NHSL2: variants seen among roughly 807,000 people sequenced by gnomAD.
NHSL2 encodes NHS-like protein 2.
A neutral mutation model predicts 53.4 loss-of-function variants in NHSL2; 27 were observed. That is an observed-to-expected ratio of 0.51 (90% CI 0.37 to 0.70). The LOEUF is 0.70. Among genes scored for constraint, NHSL2 ranks in the 30% least tolerant of loss-of-function variants. NHSL2 has a pLI of 0.00. For missense variants in NHSL2, 892 were observed against 980.1 expected (o/e 0.91, Z 1.20); for synonymous variants, 408 against 404.1 (o/e 1.01, Z -0.12).
intron 1 of NHSL2, among the ~76,000 whole-genome samples, chrX:71,924,164 A>C (rs961061349): frequency 8.9e-6 from 1 of 111,844 alleles, no homozygotes; most frequent in Non-Finnish European, 1.9e-5. Context: ...ACAGTATGGA[A>C]GAAGACAACT....
At chrX:71,973,771 G>T (rs2041936390) in intron 1 of NHSL2, among the ~76,000 whole-genome samples, 1 of 111,839 alleles carries the variant, frequency 8.9e-6, no homozygotes, top group African/African-American at 3.3e-5. Flanking sequence ...TGCCCTACAA[G>T]CTGGGACTGG....
intron 1 of NHSL2, among the ~76,000 whole-genome samples, chrX:72,076,722 C>A (rs929971811): frequency 2.7e-5 from 3 of 112,408 alleles, no homozygotes; most frequent in Non-Finnish European, 5.6e-5. Flanking sequence ...CTCCTCATCA[C>A]CCCTAGGCAG....
chrX:71,935,128 C>T (rs1569464115), intron 1 of NHSL2, among the ~76,000 whole-genome samples: 1 of 112,362 alleles, frequency 8.9e-6, no homozygotes, highest in East Asian at 2.8e-4. Flanking sequence ...GGACCTCACA[C>T]AGCACCATTC....
intron 1 of NHSL2, among the ~76,000 whole-genome samples, chrX:71,927,083 T>C (rs1336047464): frequency 2.7e-5 from 3 of 112,166 alleles, no homozygotes; most frequent in Admixed American, 1.9e-4. Context: ...TTGACAGTAC[T>C]GTATGCTTCA....
intron 1 of NHSL2, among the ~76,000 whole-genome samples, chrX:71,972,321 C>T (rs1341209240): frequency 1.8e-5 from 2 of 112,150 alleles, no homozygotes; most frequent in Non-Finnish European, 3.8e-5. Flanking sequence ...AGGCATGAGC[C>T]ACCGCGCCCG....
At chrX:72,130,965 G>A in intron 1 of NHSL2, 1 of 1,211,701 alleles carries the variant, frequency 8.3e-7, no homozygotes, top group South Asian at 1.8e-5. Context: ...TGAAAAAGGA[G>A]ATCAGAAAGG....
chrX:71,978,682 ATCT>A (rs1329006932), intron 1 of NHSL2, among the ~76,000 whole-genome samples: 3 of 94,725 alleles, frequency 3.2e-5, no homozygotes, highest in Non-Finnish European at 6.2e-5. Context: ...TTGGGCTCAC[ATCT>A]TTTTTTTTTT....
chrX:71,977,509 C>T (rs2041953753), intron 1 of NHSL2, among the ~76,000 whole-genome samples: 1 of 107,232 alleles, frequency 9.3e-6, no homozygotes, highest in South Asian at 4.2e-4. Context: ...GCAGTCTCAA[C>T]CTCCTGGGCT....
In NHSL2 at chrX:72,138,927, G is replaced by A. The variant is rs141340173; in HGVS notation, c.1379G>A (p.Arg460His). ...GCSGSAGYPE[R>H]LIQQRHMPER... ...AGTGGGTCAGCTGGCTACCCTGAGC[G>A]CCTTATTCAGCAAAGGCACATGCCC... Residue 460 changes from arginine (R) to histidine (H), a missense_variant, in exon 6 of 8, where the codon CGC becomes CAC. Arg to His is a conservative substitution (Grantham distance 29, BLOSUM62 0). Coordinates refer to ENST00000633930, the MANE Select transcript of NHSL2 (RefSeq NM_001013627.3). 2.5e-4 allele frequency: 302 copies of A among 1,206,883 alleles called. No individual in the cohort carries two copies. Among genetic ancestry groups the A allele is most frequent in the Admixed American group, 7.2e-4 (33 of 45,562 alleles).
intron 1 of NHSL2, among the ~76,000 whole-genome samples, chrX:72,099,794 A>T (rs995448198): frequency 1.8e-5 from 2 of 112,893 alleles, no homozygotes; most frequent in Non-Finnish European, 3.7e-5. Flanking sequence ...ATCAAATATT[A>T]AAAATTATTA....
Position 72,139,564 on chromosome X carries a change from C to T in NHSL2, c.2016C>T (p.Ser672=). ...TVIECTQVQG[S]SESLASPSTS... Reference sequence around the variant, plus strand: ...TTGAGTGCACCCAAGTTCAGGGCAGCTCAGAGTCTCTTGCCTCACCTTCCA... The same window carrying T: ...TTGAGTGCACCCAAGTTCAGGGCAGTTCAGAGTCTCTTGCCTCACCTTCCA... The change falls in exon 6 of 8, where the codon AGC becomes AGT. Residue 672 remains serine, a synonymous_variant. Coordinates refer to ENST00000633930, the MANE Select transcript of NHSL2 (RefSeq NM_001013627.3). The T allele has an allele frequency of 5.8e-6, 7 of 1,210,957 alleles. No homozygotes were observed. Among genetic ancestry groups the T allele is most frequent in the Non-Finnish European group, 7.8e-6 (7 of 894,920 alleles).
At position 72,140,720 on chromosome X, in the gene NHSL2, A is replaced by G; in HGVS notation, c.3172A>G (p.Arg1058Gly). The change falls in exon 6 of 8, where the codon AGG (arginine) becomes GGG (glycine). Residue 1058 changes from arginine to glycine, a missense_variant. By Grantham distance (125) the Arg-to-Gly change is moderately radical. Coordinates refer to ENST00000633930, the MANE Select transcript of NHSL2 (RefSeq NM_001013627.3). ...CGATGACCTGCAATCACTTGGTCAAAGGGTGACTTCAACTCCTCAGGCTGA... is the reference window on the plus strand; with the variant it reads ...CGATGACCTGCAATCACTTGGTCAAGGGGTGACTTCAACTCCTCAGGCTGA... ...TGDDLQSLGQ[R>G]VTSTPQADSE... is the part of the protein sequence containing the mutation. 11 of 1,203,223 alleles carry G rather than the reference A, an allele frequency of 9.1e-6. No individual in the cohort carries two copies. Among genetic ancestry groups the G allele is most frequent in the South Asian group, 1.8e-5 (1 of 55,390 alleles).
intron 1 of NHSL2, among the ~76,000 whole-genome samples, chrX:71,976,889 C>T (rs948086916): frequency 8.9e-6 from 1 of 112,592 alleles, no homozygotes; most frequent in African/African-American, 3.2e-5. Context: ...CCATGAGAAA[C>T]CAATCTGAAA....
intron 1 of NHSL2, chrX:72,127,946 G>C (rs186784138): frequency 5.0e-4 from 56 of 112,995 alleles, no homozygotes; most frequent in African/African-American, 1.8e-3. Context: ...GCAGCAAAGT[G>C]TTAATAGTGC....
chrX:72,143,451 T>C lies in NHSL2; in HGVS notation c.3555T>C (p.Ser1185=). ...DFKALLQKKG[S]KATPRSRPSA... ...AGGCCTTGCTACAGAAGAAGGGAAG[T>C]AAGGCAACTCCAAGGTCTCGTCCCT... The change falls in exon 8 of 8, where the codon AGT becomes AGC. Residue 1185 remains serine (S), a synonymous_variant. Transcript: ENST00000633930. 1.7e-6 allele frequency: 2 copies of C among 1,165,821 alleles called. No homozygotes were observed. The highest frequency in any genetic ancestry group is 2.3e-6 in the Non-Finnish European group (2 of 871,442).
intron 1 of NHSL2, among the ~76,000 whole-genome samples, chrX:72,062,412 G>A (rs924029315): frequency 1.2e-4 from 14 of 112,464 alleles, no homozygotes; most frequent in Admixed American, 4.7e-4. Context: ...ATATATGGGA[G>A]TATAGGCTCA....
intron 1 of NHSL2, 145 bp downstream of exon 1, chrX:71,911,512 T>G: frequency 4.1e-6 from 2 of 487,183 alleles, no homozygotes; most frequent in East Asian, 4.6e-5. Flanking sequence ...GGGATCCCAT[T>G]TCCCCGACCC....
chrX:71,972,702 T>C (rs1454960535), intron 1 of NHSL2, among the ~76,000 whole-genome samples: 1 of 112,043 alleles, frequency 8.9e-6, no homozygotes, highest in Non-Finnish European at 1.9e-5. Flanking sequence ...TTTCATTAAA[T>C]ATTTTGTCTG....
At chrX:71,978,815 GGTTT>G (rs2041961062) in intron 1 of NHSL2, among the ~76,000 whole-genome samples, 1 of 105,969 alleles carries the variant, frequency 9.4e-6, no homozygotes, top group African/African-American at 3.5e-5. Flanking sequence ...ACAACGTGCA[GGTTT>G]GTTACACATG....
Sources: gnomAD v4.1 joint callset for allele counts (sites outside exome capture counted in the v4.1 genomes callset) on GRCh38, gnomAD v4.1.1 for gene constraint, MANE v1.5 for transcripts, NCBI Gene and HGNC (gene_info 2026-07-23, HGNC 2026-07-21) for gene names.